Variants in NBAS observed in about 807,000 individuals in gnomAD.
NBAS encodes NAG/BC035112 fusion.
NBAS carries 219 observed loss-of-function variants against 302.5 expected under a neutral mutation model. The ratio of observed to expected loss-of-function variants is 0.72; its 90% confidence interval spans 0.65 to 0.81. The LOEUF (loss-of-function observed/expected upper bound fraction) is 0.81, where lower values mean the gene tolerates loss of function less well. Ranked by LOEUF, NBAS falls within the 30% of genes least tolerant of loss-of-function variation. NBAS has a pLI of 0.00. For synonymous variants in NBAS, 1,118 were observed against 1,021.6 expected (o/e 1.09, Z -1.80); for missense variants, 2,932 against 2,841.6 (o/e 1.03, Z -0.72).
At position 15,437,610 on chromosome 2, in the gene NBAS, G is replaced by A. The variant is rs536608242; in HGVS notation, c.2340-9816C>T. Among the ~76,000 whole-genome samples, 3 of 152,300 alleles carry A rather than the reference G, an allele frequency of 2.0e-5. No homozygotes were observed. In the South Asian group the frequency reaches 6.2e-4, roughly 32 times the overall value. Reference sequence around the variant, plus strand: ...AATAAGTCTAACACACTTTAGTGTTGATGAGGTTCAAGATTAAACTAGAGT... The same window carrying A: ...AATAAGTCTAACACACTTTAGTGTTAATGAGGTTCAAGATTAAACTAGAGT... On this transcript the variant is annotated intron_variant, in intron 21 of 51. Coordinates refer to ENST00000281513, the MANE Select transcript of NBAS (RefSeq NM_015909.4).
chr2:14,799,623 T>A, the NBAS span, among the ~76,000 whole-genome samples: 1 of 152,190 alleles, frequency 6.6e-6, no homozygotes, highest in South Asian at 2.1e-4. Context: ...CTCACCAAGC[T>A]TCTATCTACT....
At chr2:15,372,968 G>GCA (rs141915482) in intron 31 of NBAS, among the ~76,000 whole-genome samples, 1 of 151,760 alleles carries the variant, frequency 6.6e-6, no homozygotes, top group Non-Finnish European at 1.5e-5. Flanking sequence ...AGACACACAG[G>GCA]CACACACACA....
the NBAS span, among the ~76,000 whole-genome samples, chr2:15,117,188 A>T: frequency 6.6e-6 from 1 of 152,128 alleles, no homozygotes. Flanking sequence ...GTCAGGGTAA[A>T]TAAACCCGCC....
the NBAS span, among the ~76,000 whole-genome samples, chr2:14,938,816 T>A: frequency 6.6e-6 from 1 of 152,186 alleles, no homozygotes; most frequent in African/African-American, 2.4e-5. Flanking sequence ...GAGACCCCCT[T>A]CTCAGGCAAC....
the NBAS span, among the ~76,000 whole-genome samples, chr2:14,969,512 G>A: frequency 2.6e-5 from 4 of 152,058 alleles, no homozygotes; most frequent in Admixed American, 1.3e-4. Flanking sequence ...GGGTAGCTGG[G>A]ATTATAGGCA....
chr2:14,863,916 T>G, the NBAS span, among the ~76,000 whole-genome samples: 1 of 152,340 alleles, frequency 6.6e-6, no homozygotes, highest in Non-Finnish European at 1.5e-5. Context: ...CTTGGTCTCA[T>G]ATCAGTTCTT....
chr2:14,862,672 G>T, the NBAS span, among the ~76,000 whole-genome samples: 1 of 152,156 alleles, frequency 6.6e-6, no homozygotes, highest in Non-Finnish European at 1.5e-5. Context: ...CTAGTACAAT[G>T]TTGGGCATAT....
At chr2:14,903,066 A>C in the NBAS span, among the ~76,000 whole-genome samples, 444 of 152,258 alleles carry the variant, frequency 2.9e-3, 1 homozygote, top group African/African-American at 0.01. Context: ...GATGAATGAA[A>C]AAAAAAAATG....
chr2:15,548,825 G>A (rs1311517419), intron 6 of NBAS, among the ~76,000 whole-genome samples: 1 of 151,902 alleles, frequency 6.6e-6, no homozygotes, highest in Non-Finnish European at 1.5e-5. Flanking sequence ...AAAGGTAGGA[G>A]CTTCCGAGAA....
chr2:15,358,669 T>A (rs1673745881), intron 32 of NBAS, among the ~76,000 whole-genome samples: 1 of 152,088 alleles, frequency 6.6e-6, no homozygotes, highest in South Asian at 2.1e-4. Flanking sequence ...AGTCTTGAAC[T>A]CCTGGACTGA....
chr2:15,133,326 G>C, the NBAS span, among the ~76,000 whole-genome samples: 19 of 152,246 alleles, frequency 1.2e-4, no homozygotes, highest in South Asian at 1.5e-3. Context: ...ATAGCGGGGG[G>C]GGGGCAGGGA....
At chr2:15,092,770 A>G in the NBAS span, among the ~76,000 whole-genome samples, 2 of 152,210 alleles carry the variant, frequency 1.3e-5, no homozygotes, top group African/African-American at 4.8e-5. Context: ...TCGGCTTTAA[A>G]AAATGTCTAC....
At chr2:14,805,584 C>T in the NBAS span, among the ~76,000 whole-genome samples, 1 of 152,124 alleles carries the variant, frequency 6.6e-6, no homozygotes, top group African/African-American at 2.4e-5. Flanking sequence ...TGATGAGGAG[C>T]AATCCTGGAG....
At chr2:15,451,380 G>A (rs1261193133) in intron 21 of NBAS, among the ~76,000 whole-genome samples, 2 of 152,068 alleles carry the variant, frequency 1.3e-5, no homozygotes, top group African/African-American at 4.8e-5. Flanking sequence ...AAGCTGCCTA[G>A]AGTCCATTTT....
chr2:15,201,926 T>G (rs1665894890), intron 48 of NBAS, among the ~76,000 whole-genome samples: 1 of 152,172 alleles, frequency 6.6e-6, no homozygotes, highest in Non-Finnish European at 1.5e-5. Flanking sequence ...AAGAGTGTCC[T>G]GACCAGGAAG....
intron 28 of NBAS, among the ~76,000 whole-genome samples, chr2:15,391,370 T>G (rs1425773847): frequency 4.2e-5 from 4 of 94,496 alleles, no homozygotes; most frequent in African/African-American, 1.5e-4. Flanking sequence ...AATTGAACTC[T>G]TAGAGATTAA....
At chr2:14,886,116 G>A in the NBAS span, among the ~76,000 whole-genome samples, 695 of 152,140 alleles carry the variant, frequency 4.6e-3, 5 homozygotes, top group Non-Finnish European at 7.9e-3. Flanking sequence ...AATATCACAC[G>A]CTTGGCTCTC....
intron 48 of NBAS, among the ~76,000 whole-genome samples, chr2:15,199,597 G>A (rs867515421): frequency 6.6e-6 from 1 of 152,000 alleles, no homozygotes; most frequent in Admixed American, 6.6e-5. Context: ...CTCACTACAG[G>A]AATTATAAAT....
chr2:15,179,193 AC>A, intron 50 of NBAS, 77 bp from the exon 51 acceptor site: 1 of 1,607,444 alleles, frequency 6.2e-7, no homozygotes. Context: ...GGATCATTCC[AC>A]CCCTTTTTCT....
Sources: allele counts gnomAD v4.1 joint callset (sites outside exome capture counted in the v4.1 genomes callset), GRCh38; gene constraint gnomAD v4.1.1; transcripts MANE v1.5; gene names NCBI Gene and HGNC (gene_info 2026-07-23, HGNC 2026-07-21).